USB1: variants seen among roughly 807,000 people sequenced by gnomAD.
USB1 encodes U6 snRNA phosphodiesterase 1.
In USB1, 21 loss-of-function variants were observed where a neutral mutation model predicts 29.9. The observed-to-expected ratio is 0.70, with a 90% CI of 0.50 to 1.01. The LOEUF (loss-of-function observed/expected upper bound fraction) is 1.01, where lower values mean the gene tolerates loss of function less well. USB1 is among the 50% of genes least tolerant of loss of function. The pLI is 0.00. For missense variants in USB1, 330 were observed against 347.1 expected (o/e 0.95, Z 0.39); for synonymous variants, 143 against 134.9 (o/e 1.06, Z -0.42).
intron 3 of USB1, chr16:58,010,804 T>A (rs28539959): frequency 5.2e-6 from 3 of 572,380 alleles, no homozygotes; most frequent in Non-Finnish European, 9.3e-6. Flanking sequence ...CCCTGTGGAG[T>A]TGGGAGTGAG....
chr16:58,018,990 A>G lies in USB1; in HGVS notation c.628A>G (p.Ser210Gly). The G allele has an allele frequency of 6.2e-7, 1 of 1,614,114 alleles. No individual in the cohort carries two copies. Among genetic ancestry groups the G allele is most frequent in the South Asian group, 1.1e-5 (1 of 91,088 alleles). The change falls in exon 6 of 7, where the codon AGC becomes GGC. Residue 210 changes from serine (S) to glycine (G), a missense_variant. Transcript: ENST00000219281. ...TFYQDPSFHL[S>G]LAWCVGDARL... ...TCCCCAGGATCCTTCTTTCCACCTC[A>G]GCCTGGCCTGGTGTGTGGGTGATGC...
rs1038958942 is a variant in USB1 at position 58,002,625 on chromosome 16, C to T, written c.245C>T (p.Ala82Val). 1.2e-5 allele frequency: 19 copies of T among 1,613,742 alleles called. No individual in the cohort carries two copies. Among genetic ancestry groups the T allele is most frequent in the Non-Finnish European group, 1.4e-5 (16 of 1,180,006 alleles). ...RTFPHERGNW[A>V]THVYVPYEAK... is the part of the protein sequence containing the mutation. ...TTCCCCCACGAGCGAGGCAACTGGG[C>T]CACCCACGTCTATGTACCATGTGAG... The change falls in exon 2 of 7, where the codon GCC becomes GTC. Residue 82 changes from alanine to valine, a missense_variant. Coordinates refer to ENST00000219281, the MANE Select transcript of USB1 (RefSeq NM_024598.4).
At chr16:58,004,363 G>A (rs1963304055) in intron 2 of USB1, among the ~76,000 whole-genome samples, 1 of 152,174 alleles carries the variant, frequency 6.6e-6, no homozygotes, top group Non-Finnish European at 1.5e-5. Context: ...ACATAGTTAA[G>A]TCTCGAAGTT....
At chr16:58,019,521 G>C (rs1312468023) in intron 6 of USB1, among the ~76,000 whole-genome samples, 7 of 152,184 alleles carry the variant, frequency 4.6e-5, no homozygotes, top group Admixed American at 3.9e-4. Flanking sequence ...ATAAGTAGCT[G>C]AAAGATTCCA....
chr16:58,002,741 GA>G, intron 2 of USB1, 96 bp downstream of exon 2: 2 of 1,532,634 alleles, frequency 1.3e-6, no homozygotes, highest in Non-Finnish European at 1.8e-6. Context: ...GAAGAAACCA[GA>G]AACCTCTAAC....
In USB1 at chr16:58,020,441, CTCTCTCTTCTCCTCTCTT is replaced by C; in HGVS notation, c.*203_*220del. 1.6e-6 allele frequency: 1 copy of C among 629,534 alleles called. No individual in the cohort carries two copies. The highest frequency in any genetic ancestry group is 2.9e-6 in the Non-Finnish European group (1 of 349,196). The allele number at this position is 629,534 out of a possible 1,614,324, so 39.0% of individuals were successfully genotyped here. ...CTCTCTCTTTCTCTTCCTCTTCTTT[CTCTCTCTTCTCCTCTCTT>C]TCTCTCCTCTGTCTCTCTTCCTCTC... On this transcript the variant is annotated 3_prime_UTR_variant, in exon 7 of 7. Coordinates refer to ENST00000219281, the MANE Select transcript of USB1 (RefSeq NM_024598.4).
intron 4 of USB1, chr16:58,015,582 C>T (rs1963597106): frequency 6.6e-6 from 1 of 152,106 alleles, no homozygotes; most frequent in Non-Finnish European, 1.5e-5. Context: ...GACACAGCCC[C>T]TGCTCTTTTC....
At chr16:58,012,315 C>T (rs181477052) in intron 3 of USB1, 21 of 1,535,450 alleles carry the variant, frequency 1.4e-5, no homozygotes, top group Middle Eastern at 1.7e-4. Flanking sequence ...ACTCTCTTAA[C>T]CACAGGTGCC....
In USB1 at chr16:58,011,545, G is replaced by A. The variant is rs146045932; in HGVS notation, c.449+1433G>A. 8.6e-4 allele frequency: 855 copies of A among 999,040 alleles called. 14 individuals carry two copies. In the East Asian group the frequency reaches 0.024, roughly 27 times the overall value. The allele number at this position is 999,040 out of a possible 1,614,324, so 61.9% of individuals were successfully genotyped here. A position where few individuals can be genotyped will look rare whatever the true frequency, so the allele number is the denominator to read the frequency against. The stretch of plus-strand genomic sequence containing the variant: ...GAATCCCTCCGTCCAGAGATCAGTC[G>A]GTCCTGTGGTTGTTTCACAGGTGAC... On this transcript the variant is annotated intron_variant, in intron 3 of 6. Coordinates refer to ENST00000219281, the MANE Select transcript of USB1 (RefSeq NM_024598.4).
intron 1 of USB1, among the ~76,000 whole-genome samples, chr16:58,001,858 C>G (rs1184011433): frequency 6.6e-6 from 1 of 151,708 alleles, no homozygotes; most frequent in Non-Finnish European, 1.5e-5. Flanking sequence ...TGGCACACAT[C>G]CCTGTACCAT....
At chr16:58,011,085 G>C in intron 3 of USB1, 1 of 953,618 alleles carries the variant, frequency 1.0e-6, no homozygotes, top group Non-Finnish European at 1.6e-6. Flanking sequence ...AATTCCAAAG[G>C]ATTTAGGAGC....
In USB1 at chr16:58,001,441, A is replaced by T. The variant is rs970679046; in HGVS notation, c.-43A>T. 1 of 1,564,488 alleles carries T rather than the reference A, an allele frequency of 6.4e-7. No individual in the cohort carries two copies. The highest frequency in any genetic ancestry group is 1.4e-5 in the African/African-American group (1 of 73,664). On this transcript the variant is annotated 5_prime_UTR_variant, in exon 1 of 7. Coordinates refer to ENST00000219281, the MANE Select transcript of USB1 (RefSeq NM_024598.4). ...ACAGCGGAACTCCGGGTGCCGGTTG[A>T]GGTTGCTGGTGGACCTGCTCTGGTG...
Position 58,021,120 on chromosome 16 carries a change from T to C in USB1, c.*875T>C, listed in dbSNP as rs1310279901. 6.6e-6 allele frequency: 1 copy of C among 152,204 alleles called. No individual in the cohort carries two copies. Among genetic ancestry groups the C allele is most frequent in the African/African-American group, 2.4e-5 (1 of 41,432 alleles). 9.4% of individuals were successfully genotyped at this position (152,204 alleles called of 1,614,324 possible). A position where few individuals can be genotyped will look rare whatever the true frequency, so the allele number is the denominator to read the frequency against. On this transcript the variant is annotated 3_prime_UTR_variant, in exon 7 of 7. Transcript: ENST00000219281. ...TCTGTCACCCTCTCTCCTTGAAGCA[T>C]GTTGCTTTTATTTATTTACTTTTAC... is the stretch of plus-strand genomic sequence containing the variant.
Position 58,002,630 on chromosome 16 carries a change from CA to C in USB1, c.251del (p.His84ProfsTer31). On this transcript the variant is annotated frameshift_variant, in exon 2 of 7. Coordinates refer to ENST00000219281, the MANE Select transcript of USB1 (RefSeq NM_024598.4). LOFTEE classifies it high-confidence loss of function. ...FPHERGNWAT[H>X]VYVPYEAKEE... ...CCACGAGCGAGGCAACTGGGCCACC[CA>C]CGTCTATGTACCATGTGAGTGATGT... 1 of 1,613,880 alleles carries C rather than the reference CA, an allele frequency of 6.2e-7. No individual in the cohort carries two copies. Among genetic ancestry groups the C allele is most frequent in the Non-Finnish European group, 8.5e-7 (1 of 1,180,020 alleles).
intron 3 of USB1, chr16:58,012,256 C>G: frequency 1.3e-6 from 2 of 1,534,136 alleles, no homozygotes; most frequent in Non-Finnish European, 1.7e-6. Context: ...TCCAGCCCTC[C>G]CCCTCTTTGG....
chr16:58,000,064 T>C (rs1436087115), upstream of USB1, among the ~76,000 whole-genome samples: 1 of 151,862 alleles, frequency 6.6e-6, no homozygotes, highest in Non-Finnish European at 1.5e-5. This position sits in a 1 kb window ranked among gnomAD's most constrained non-coding sequence, Gnocchi z 4.5. Flanking sequence ...CGTCTCTTCT[T>C]CCTCCCTGAG....
At chr16:58,003,404 G>A (rs1368913870) in intron 2 of USB1, among the ~76,000 whole-genome samples, 2 of 152,302 alleles carry the variant, frequency 1.3e-5, no homozygotes, top group East Asian at 3.9e-4. Context: ...TCCAGCCTGG[G>A]TGACAGAGTG....
chr16:58,020,009 A>G (rs961915602), intron 6 of USB1, 132 bp from the exon 7 acceptor site: 2 of 796,758 alleles, frequency 2.5e-6, no homozygotes, highest in Non-Finnish European at 4.3e-6. Flanking sequence ...AAGATCACCA[A>G]TGCAGAGCCT....
rs577392993 is a variant in USB1, at chr16:58,012,334, A to G, written c.450-1939A>G. ...TCTTAACCACAGGTGCCAGAAGCCCATGCCAGAAGCCCAACCCAAAGTGGC... is the reference window on the plus strand; with the variant it reads ...TCTTAACCACAGGTGCCAGAAGCCCGTGCCAGAAGCCCAACCCAAAGTGGC... On this transcript the variant is annotated intron_variant, in intron 3 of 6. Transcript: ENST00000219281. 626 of 1,535,198 alleles carry G rather than the reference A, an allele frequency of 4.1e-4. 3 individuals carry two copies. The highest frequency in any genetic ancestry group is 6.7e-4 in the Middle Eastern group (4 of 5,980).
Sources: allele counts gnomAD v4.1 joint callset (sites outside exome capture counted in the v4.1 genomes callset), GRCh38; gene constraint gnomAD v4.1.1; non-coding constraint Gnocchi (gnomAD v3.1); transcripts MANE v1.5; gene names NCBI Gene and HGNC (gene_info 2026-07-23, HGNC 2026-07-21).